The following AFG2A variants were observed in gnomAD, a reference collection of about 807,000 sequenced individuals.
The protein encoded by AFG2A is AAA ATPase AFG2A.
the AFG2A span, among the ~76,000 whole-genome samples, chr4:123,123,674 G>A: frequency 9.9e-5 from 15 of 152,092 alleles, no homozygotes; most frequent in Non-Finnish European, 2.1e-4. Flanking sequence ...ACGGCCGGGC[G>A]CGGTGGCTCA....
At chr4:123,007,997 T>C in the AFG2A span, among the ~76,000 whole-genome samples, 3 of 152,174 alleles carry the variant, frequency 2.0e-5, no homozygotes, top group Non-Finnish European at 4.4e-5. Flanking sequence ...TTTTTTTGTT[T>C]TGTTTTTTCC....
chr4:123,089,142 G>A, the AFG2A span, among the ~76,000 whole-genome samples: 2 of 152,186 alleles, frequency 1.3e-5, no homozygotes, highest in African/African-American at 4.8e-5. Context: ...CATTTGATTA[G>A]TGTGAGTTAG....
the AFG2A span, among the ~76,000 whole-genome samples, chr4:123,046,645 A>G: frequency 5.2e-3 from 798 of 152,304 alleles, 7 homozygotes; most frequent in African/African-American, 0.018. Flanking sequence ...TTTCGGGAAC[A>G]TTACAATTCT....
the AFG2A span, among the ~76,000 whole-genome samples, chr4:123,282,314 T>A: frequency 6.6e-6 from 1 of 152,210 alleles, no homozygotes; most frequent in Non-Finnish European, 1.5e-5. Flanking sequence ...TTTCACTGTC[T>A]GTAGTTTTTC....
chr4:123,113,356 G>T, the AFG2A span, among the ~76,000 whole-genome samples: 274 of 149,100 alleles, frequency 1.8e-3, 7 homozygotes, highest in Admixed American at 0.018. Context: ...AACAAATACA[G>T]CTTTTTGGCC....
chr4:122,946,038 A>G, the AFG2A span, among the ~76,000 whole-genome samples: 2 of 152,334 alleles, frequency 1.3e-5, no homozygotes, highest in South Asian at 4.1e-4. Context: ...CAGTGTTATT[A>G]GTAGGCTGGA....
chr4:122,953,790 G>A, the AFG2A span, among the ~76,000 whole-genome samples: 4 of 152,318 alleles, frequency 2.6e-5, no homozygotes, highest in Admixed American at 2.6e-4. Flanking sequence ...TTCCTTTGGC[G>A]CCCTTGTCTT....
At chr4:123,142,460 A>T in the AFG2A span, among the ~76,000 whole-genome samples, 2 of 152,196 alleles carry the variant, frequency 1.3e-5, no homozygotes, top group African/African-American at 4.8e-5. Flanking sequence ...AGCATCAGAA[A>T]AACTAACATT....
At chr4:123,004,299 C>T in the AFG2A span, among the ~76,000 whole-genome samples, 9 of 152,222 alleles carry the variant, frequency 5.9e-5, no homozygotes, top group Admixed American at 2.0e-4. Context: ...GGCCGGCACA[C>T]GGTGCACTGC....
chr4:122,996,812 C>A, the AFG2A span, among the ~76,000 whole-genome samples: 1 of 152,098 alleles, frequency 6.6e-6, no homozygotes, highest in Non-Finnish European at 1.5e-5. Flanking sequence ...CCTGAGAACC[C>A]AGGGGGCTGC....
chr4:123,189,809 C>CTTTTTTTTTTT, the AFG2A span, among the ~76,000 whole-genome samples: 45 of 61,770 alleles, frequency 7.3e-4, 5 homozygotes, highest in African/African-American at 2.5e-3. Context: ...AGGTCATTTG[C>CTTTTTTTTTTT]TTTTTTTTTT....
the AFG2A span, among the ~76,000 whole-genome samples, chr4:123,236,279 C>T: frequency 6.6e-6 from 1 of 152,188 alleles, no homozygotes; most frequent in Non-Finnish European, 1.5e-5. Context: ...TACATTCCAA[C>T]CCATAAGCCA....
the AFG2A span, among the ~76,000 whole-genome samples, chr4:122,946,306 C>T: frequency 6.6e-6 from 1 of 152,212 alleles, no homozygotes; most frequent in East Asian, 1.9e-4. Context: ...TTTCAATCTG[C>T]TGTCTCTTTC....
the AFG2A span, among the ~76,000 whole-genome samples, chr4:123,033,757 G>A: frequency 6.6e-6 from 1 of 152,148 alleles, no homozygotes; most frequent in Non-Finnish European, 1.5e-5. Flanking sequence ...CCTAACCTTA[G>A]CACTTTTTAG....
chr4:123,114,490 C>T, the AFG2A span, among the ~76,000 whole-genome samples: 1 of 152,212 alleles, frequency 6.6e-6, no homozygotes, highest in East Asian at 1.9e-4. Flanking sequence ...TCCAGAAGGG[C>T]CAAGGTGGCA....
At chr4:123,163,048 T>C in the AFG2A span, among the ~76,000 whole-genome samples, 1 of 152,228 alleles carries the variant, frequency 6.6e-6, no homozygotes, top group Non-Finnish European at 1.5e-5. Flanking sequence ...GGAATCAGAC[T>C]GACCTAGCTT....
chr4:123,036,711 G>A, the AFG2A span, among the ~76,000 whole-genome samples: 1 of 152,056 alleles, frequency 6.6e-6, no homozygotes, highest in Non-Finnish European at 1.5e-5. Context: ...CTGAAGAAAT[G>A]TGTCATTTTT....
the AFG2A span, among the ~76,000 whole-genome samples, chr4:123,170,604 T>G: frequency 6.6e-6 from 1 of 152,162 alleles, no homozygotes; most frequent in Non-Finnish European, 1.5e-5. Context: ...AAAAGTTAAC[T>G]TAGGGTAAAG....
chr4:123,204,259 C>T, the AFG2A span, among the ~76,000 whole-genome samples: 1 of 152,154 alleles, frequency 6.6e-6, no homozygotes, highest in East Asian at 1.9e-4. Flanking sequence ...GTTGTTCTGC[C>T]TACTGCATAT....
Sources: gnomAD v4.1 joint callset for allele counts (sites outside exome capture counted in the v4.1 genomes callset) on GRCh38, gnomAD v4.1.1 for gene constraint, MANE v1.5 for transcripts, NCBI Gene and HGNC (gene_info 2026-07-23, HGNC 2026-07-21) for gene names.